Variants in AFP observed in about 807,000 individuals in gnomAD.
The protein encoded by AFP is alpha fetoprotein.
Under a neutral mutation model 78.9 loss-of-function variants are expected in AFP, and 64 were observed. That is an observed-to-expected ratio of 0.81 (90% confidence interval 0.66 to 1.00). AFP has a LOEUF of 1.00. Ranked by LOEUF, AFP falls within the 50% of genes least tolerant of loss-of-function variation. The pLI, the probability that AFP is intolerant of heterozygous loss-of-function variation, is 0.00. For missense variants in AFP, 689 were observed against 703.8 expected (o/e 0.98, Z 0.24); for synonymous variants, 254 against 243.8 (o/e 1.04, Z -0.39).
intron 4 of AFP, among the ~76,000 whole-genome samples, chr4:73,441,194 T>C (rs1277662043): frequency 6.6e-6 from 1 of 152,064 alleles, no homozygotes; most frequent in Non-Finnish European, 1.5e-5. Context: ...CCTAATTGCC[T>C]AGAAATAAAA....
chr4:73,448,666 C>T (rs1474342138), intron 8 of AFP, among the ~76,000 whole-genome samples: 1 of 152,114 alleles, frequency 6.6e-6, no homozygotes, highest in Non-Finnish European at 1.5e-5. Context: ...CATCCATGCA[C>T]ATCTAAATCT....
chr4:73,438,052 A>C (rs1272304043), intron 2 of AFP, 122 bp from the exon 3 acceptor site: 2 of 1,367,778 alleles, frequency 1.5e-6, no homozygotes, highest in Non-Finnish European at 2.0e-6. Context: ...TTTACAAATC[A>C]AATGTCTAAA....
intron 14 of AFP, 114 bp downstream of exon 14, chr4:73,455,404 C>CA (rs1002247909): frequency 2.7e-4 from 247 of 913,884 alleles, no homozygotes; most frequent in Non-Finnish European, 3.7e-4. Context: ...ACATGGAATT[C>CA]AAAAAAAAGT....
In AFP at chr4:73,449,410, G is replaced by A. The variant is rs774632101; in HGVS notation, c.1134G>A (p.Gln378=). 1.2e-6 allele frequency: 2 copies of A among 1,613,534 alleles called. No homozygotes were observed. The highest frequency in any genetic ancestry group is 1.7e-6 in the Non-Finnish European group (2 of 1,179,626). The part of the protein sequence containing the change: ...SVILRVAKGY[Q]ELLEKCFQTE... The stretch of plus-strand genomic sequence containing the variant: ...TTCTAAGAGTTGCTAAAGGATACCA[G>A]GAGTTATTGGAGAAGTGTTTCCAGA... The change falls in exon 9 of 15, where the codon CAG becomes CAA. Residue 378 remains glutamine (Q), a synonymous_variant. Coordinates refer to ENST00000395792, the MANE Select transcript of AFP (RefSeq NM_001134.3).
At chr4:73,453,930 T>G (rs766180115) in intron 13 of AFP, 33 bp downstream of exon 13, 3 of 1,612,864 alleles carry the variant, frequency 1.9e-6, no homozygotes. Flanking sequence ...TCAAAATACT[T>G]GCTATGGAAT....
At chr4:73,441,169 G>A (rs1719650684) in intron 4 of AFP, among the ~76,000 whole-genome samples, 1 of 151,694 alleles carries the variant, frequency 6.6e-6, no homozygotes. Context: ...GCCATATATT[G>A]GTGTTTTGTG....
rs745705495 is a variant in AFP at position 73,436,256 on chromosome 4, A to G, written c.-7A>G. The G allele has an allele frequency of 9.5e-6, 15 of 1,582,858 alleles. No individual in the cohort carries two copies. The highest frequency in any genetic ancestry group is 1.3e-5 in the Non-Finnish European group (15 of 1,152,852). On this transcript the variant is annotated 5_prime_UTR_variant, in exon 1 of 15. Transcript: ENST00000395792. Reference sequence around the variant, plus strand: ...CACCACTGCCAATAACAAAATAACTAGCAACCATGAAGTGGGTGGAATCAA... The same window carrying G: ...CACCACTGCCAATAACAAAATAACTGGCAACCATGAAGTGGGTGGAATCAA...
chr4:73,448,209 C>T (rs949203662), intron 8 of AFP, among the ~76,000 whole-genome samples: 1 of 152,090 alleles, frequency 6.6e-6, no homozygotes, highest in Non-Finnish European at 1.5e-5. Context: ...TGTTTAGAGA[C>T]ATTTGCAGTA....
At chr4:73,443,928 A>G (rs533576656) in intron 6 of AFP, among the ~76,000 whole-genome samples, 29 of 152,300 alleles carry the variant, frequency 1.9e-4, no homozygotes, top group African/African-American at 6.7e-4. Flanking sequence ...TAATATTAGA[A>G]TCTAGTGTCA....
At position 73,452,433 on chromosome 4, in the gene AFP, A is replaced by T. The variant is rs376621037; in HGVS notation, c.1461A>T (p.Arg487Ser). ...ADIIIGHLCI[R>S]HEMTPVNPGV... Reference sequence around the variant, plus strand: ...TTATTATCGGACACTTATGTATCAGACATGAAATGACTCCAGTAAACCCTG... The same window carrying T: ...TTATTATCGGACACTTATGTATCAGTCATGAAATGACTCCAGTAAACCCTG... Residue 487 changes from arginine to serine, a missense_variant, in exon 12 of 15, where the codon AGA becomes AGT. Physicochemically the swap from Arg to Ser is moderately radical, Grantham distance 110. Transcript: ENST00000395792. 2 of 1,614,098 alleles carry T rather than the reference A, an allele frequency of 1.2e-6. No individual in the cohort carries two copies. Among genetic ancestry groups the T allele is most frequent in the East Asian group, 2.2e-5 (1 of 44,884 alleles).
chr4:73,448,606 A>G (rs1412510442), intron 8 of AFP, among the ~76,000 whole-genome samples: 2 of 152,182 alleles, frequency 1.3e-5, no homozygotes, highest in Admixed American at 6.5e-5. Flanking sequence ...AACTAATCCT[A>G]TAATCTGGGA....
chr4:73,451,011 CGGAA>C (rs1423916885), intron 11 of AFP, among the ~76,000 whole-genome samples: 2 of 152,164 alleles, frequency 1.3e-5, no homozygotes, highest in Admixed American at 1.3e-4. Context: ...CTTTATATAT[CGGAA>C]AGACAGAACG....
At chr4:73,437,104 T>C in intron 1 of AFP, 56 bp from the exon 2 acceptor site, 1 of 1,290,116 alleles carries the variant, frequency 7.8e-7, no homozygotes, top group East Asian at 2.3e-5. Flanking sequence ...GTAACAATGA[T>C]TACTTTCTTG....
chr4:73,451,193 CAT>C (rs1347084610), intron 11 of AFP, among the ~76,000 whole-genome samples: 4 of 152,248 alleles, frequency 2.6e-5, no homozygotes, highest in Admixed American at 6.5e-5. Context: ...CCTTTTGTAA[CAT>C]GATATTATTA....
intron 11 of AFP, among the ~76,000 whole-genome samples, chr4:73,451,978 T>C (rs950705476): frequency 4.6e-5 from 7 of 152,232 alleles, no homozygotes; most frequent in Non-Finnish European, 8.8e-5. Flanking sequence ...CATGTGTATA[T>C]GTATGTGAAT....
intron 8 of AFP, 49 bp downstream of exon 8, chr4:73,447,725 G>T: frequency 6.9e-7 from 1 of 1,459,738 alleles, no homozygotes; most frequent in Non-Finnish European, 9.6e-7. Flanking sequence ...ATGATTATGT[G>T]GCTGACAGAT....
chr4:73,441,213 T>C (rs1719652070), intron 4 of AFP, among the ~76,000 whole-genome samples: 1 of 152,076 alleles, frequency 6.6e-6, no homozygotes, highest in African/African-American at 2.4e-5. Context: ...AAGTTAGAGA[T>C]CCAAGCATGG....
chr4:73,455,335 A>G, intron 14 of AFP, 45 bp downstream of exon 14: 2 of 1,432,538 alleles, frequency 1.4e-6, no homozygotes, highest in Non-Finnish European at 2.0e-6. Flanking sequence ...TTGTTTCTCC[A>G]GAAATATCAA....
chr4:73,453,662 G>T, intron 12 of AFP, 103 bp from the exon 13 acceptor site: 3 of 1,355,018 alleles, frequency 2.2e-6, no homozygotes, highest in Non-Finnish European at 3.1e-6. Flanking sequence ...ATAGGTTGAT[G>T]GAGTAAGGGT....
Sources: gnomAD v4.1 joint callset for allele counts (sites outside exome capture counted in the v4.1 genomes callset) on GRCh38, gnomAD v4.1.1 for gene constraint, MANE v1.5 for transcripts, NCBI Gene and HGNC (gene_info 2026-07-23, HGNC 2026-07-21) for gene names.